Variants in TMIE observed in about 807,000 individuals in gnomAD.
TMIE encodes the protein transmembrane inner ear expressed protein.
In TMIE, 14 loss-of-function variants were observed where a neutral mutation model predicts 16.8. The ratio of observed to expected loss-of-function variants is 0.83; its 90% CI spans 0.55 to 1.30. The LOEUF (loss-of-function observed/expected upper bound fraction) is 1.30, where lower values mean the gene tolerates loss of function less well. Ranked by LOEUF, TMIE falls within the 50% of genes most tolerant of loss-of-function variation. TMIE has a pLI of 0.00. For synonymous variants in TMIE, 75 were observed against 87.2 expected, an observed-to-expected ratio of 0.86 and a Z score of 0.78; for missense variants, 204 against 205.9, an observed-to-expected ratio of 0.99 and a Z score of 0.06.
At chr3:46,700,791 AG>A (rs1355737368), upstream of TMIE, among the ~76,000 whole-genome samples, 1 of 152,170 alleles carries the variant, frequency 6.6e-6, no homozygotes, top group East Asian at 1.9e-4. Flanking sequence ...GAGGGCAGCC[AG>A]GGTCAGAAAA....
intron 1 of TMIE, among the ~76,000 whole-genome samples, chr3:46,695,348 G>C (rs1700387568): frequency 6.6e-6 from 1 of 152,234 alleles, no homozygotes; most frequent in Non-Finnish European, 1.5e-5. Flanking sequence ...CTTGCTGTGT[G>C]ATCACAGGCA....
At chr3:46,698,829 C>A (rs938216637), upstream of TMIE, among the ~76,000 whole-genome samples, 2 of 151,722 alleles carry the variant, frequency 1.3e-5, no homozygotes, top group Middle Eastern at 3.2e-3. Flanking sequence ...TTTTTCTTTT[C>A]TTTTCTTTTT....
chr3:46,708,048 C>A (rs1161831990), intron 2 of TMIE, among the ~76,000 whole-genome samples: 1 of 152,196 alleles, frequency 6.6e-6, no homozygotes, highest in Non-Finnish European at 1.5e-5. Context: ...CAAGTGTATG[C>A]CTGGATGCTA....
chr3:46,694,334 GGTGGCTGAAGACTTA>G (rs1700347184), upstream of TMIE, among the ~76,000 whole-genome samples: 1 of 152,214 alleles, frequency 6.6e-6, no homozygotes, highest in Non-Finnish European at 1.5e-5. Context: ...CCTTGGAAAG[GGTGGCTGAAGACTTA>G]TCTGGGACAG....
In TMIE at chr3:46,710,037, A is replaced by G; in HGVS notation, c.*349A>G. On this transcript the variant is annotated 3_prime_UTR_variant, in exon 4 of 4. Transcript: ENST00000643606. ...GGATGGCAGTGGCTGTGAAGGAGTAATGGGATATGGGGTTACTTCAGCCAC... is the reference window on the plus strand; with the variant it reads ...GGATGGCAGTGGCTGTGAAGGAGTAGTGGGATATGGGGTTACTTCAGCCAC... 1 of 387,650 alleles carries G rather than the reference A, an allele frequency of 2.6e-6. No individual in the cohort carries two copies. Among genetic ancestry groups the G allele is most frequent in the Non-Finnish European group, 4.9e-6 (1 of 202,228 alleles). 24.0% of individuals were successfully genotyped at this position (387,650 alleles called of 1,614,324 possible).
upstream of TMIE, among the ~76,000 whole-genome samples, chr3:46,696,435 A>G (rs1461086984): frequency 6.6e-6 from 1 of 152,206 alleles, no homozygotes; most frequent in African/African-American, 2.4e-5. Context: ...GGTCTGACAC[A>G]GGCCTGGCCC....
chr3:46,697,484 T>C (rs1056713201), upstream of TMIE, among the ~76,000 whole-genome samples: 1 of 151,930 alleles, frequency 6.6e-6, no homozygotes, highest in Non-Finnish European at 1.5e-5. Flanking sequence ...CAGGAGGGCA[T>C]GGAAGCTCCA....
Position 46,709,680 on chromosome 3 carries a change from G to A in TMIE, c.463G>A (p.Glu155Lys). The A allele has an allele frequency of 1.2e-6, 2 of 1,613,962 alleles. No individual in the cohort carries two copies. Among genetic ancestry groups the A allele is most frequent in the South Asian group, 1.1e-5 (1 of 91,064 alleles). The change falls in exon 4 of 4, where the codon GAG becomes AAG. Residue 155 changes from glutamate (E) to lysine (K), a missense_variant. Coordinates refer to ENST00000643606, the MANE Select transcript of TMIE (RefSeq NM_147196.3). ...GAATGAGGCCAAGAAGAAGAAAGGA[G>A]AGAAATGAAGACATCCTGGGCAGCT... ...EKNEAKKKKGEK is the reference protein window; with the variant it reads ...EKNEAKKKKGKK
At chr3:46,706,983 G>A (rs935444647) in intron 2 of TMIE, among the ~76,000 whole-genome samples, 1 of 152,240 alleles carries the variant, frequency 6.6e-6, no homozygotes, top group Non-Finnish European at 1.5e-5. Context: ...ATTTGCACGT[G>A]CTTCTCCTGG....
Position 46,705,721 on chromosome 3 carries a change from G to C in TMIE, c.94-69G>C, listed in dbSNP as rs932476405. On this transcript the variant is annotated intron_variant, in intron 1 of 3. Coordinates refer to ENST00000643606, the MANE Select transcript of TMIE (RefSeq NM_147196.3). ...TTGGGCTGAGTGTTTGCTGAGACCT[G>C]GGCCCTTCTCAGCTGGTTCCAGCCA... 2.1e-5 allele frequency: 28 copies of C among 1,348,606 alleles called. No individual in the cohort carries two copies. The African/African-American group carries it at 3.9e-4, about 19-fold the overall frequency. 83.5% of individuals were successfully genotyped at this position (1,348,606 alleles called of 1,614,324 possible). A position where few individuals can be genotyped will look rare whatever the true frequency, so the allele number is the denominator to read the frequency against.
At position 46,710,246 on chromosome 3, in the gene TMIE, G is replaced by A. The variant is rs1700604684; in HGVS notation, c.*558G>A. On this transcript the variant is annotated 3_prime_UTR_variant, in exon 4 of 4. Coordinates refer to ENST00000643606, the MANE Select transcript of TMIE (RefSeq NM_147196.3). The stretch of plus-strand genomic sequence containing the variant: ...AGCCTGGCAGGGGATCCAGCTCAAG[G>A]GAGTAAGTAGAGGTGGCTTCAGAAA... The A allele has an allele frequency of 1.0e-5, 2 of 195,778 alleles. No homozygotes were observed. The highest frequency in any genetic ancestry group is 1.1e-4 in the Admixed American group (2 of 18,928). The allele number at this position is 195,778 out of a possible 1,614,324, so 12.1% of individuals were successfully genotyped here.
chr3:46,706,941 T>A (rs1700559400), intron 2 of TMIE, among the ~76,000 whole-genome samples: 1 of 152,160 alleles, frequency 6.6e-6, no homozygotes, highest in Non-Finnish European at 1.5e-5. Context: ...CCCACCCAGA[T>A]GTGAGGGGCT....
upstream of TMIE, among the ~76,000 whole-genome samples, chr3:46,697,547 A>G (rs1700421948): frequency 2.6e-5 from 4 of 152,102 alleles, no homozygotes; most frequent in South Asian, 8.3e-4. Flanking sequence ...TATCCTTCGT[A>G]ATACCCTTTA....
chr3:46,704,961 G>A (rs1228887845), intron 1 of TMIE, among the ~76,000 whole-genome samples: 1 of 152,182 alleles, frequency 6.6e-6, no homozygotes, highest in Non-Finnish European at 1.5e-5. Flanking sequence ...TAGACACCCA[G>A]GAGAAGGGCT....
chr3:46,701,663 G>A lies in TMIE; in HGVS notation c.93+83G>A. On this transcript the variant is annotated intron_variant, in intron 1 of 3. Transcript: ENST00000643606. The surrounding 1 kb of genome is among the most constrained non-coding windows in gnomAD (Gnocchi z 4.3). Reference sequence around the variant, plus strand: ...GGGAGAGGGGACGCCTTTTTGATCCGGAGCTTGTTTGATCCCTTACTCTTG... The same window carrying A: ...GGGAGAGGGGACGCCTTTTTGATCCAGAGCTTGTTTGATCCCTTACTCTTG... 2 of 1,118,086 alleles carry A rather than the reference G, an allele frequency of 1.8e-6. No homozygotes were observed. Among genetic ancestry groups the A allele is most frequent in the Non-Finnish European group, 2.3e-6 (2 of 874,504 alleles). The allele number at this position is 1,118,086 out of a possible 1,614,324, so 69.3% of individuals were successfully genotyped here.
At chr3:46,698,077 A>T (rs1356654822), upstream of TMIE, among the ~76,000 whole-genome samples, 2 of 151,868 alleles carry the variant, frequency 1.3e-5, no homozygotes, top group Non-Finnish European at 2.9e-5. Flanking sequence ...TTTTTTTGAG[A>T]TGGAGTCTTG....
At chr3:46,695,091 G>A (rs947580350) in intron 1 of TMIE, among the ~76,000 whole-genome samples, 1 of 151,928 alleles carries the variant, frequency 6.6e-6, no homozygotes, top group Non-Finnish European at 1.5e-5. Flanking sequence ...CCCAGGCTCC[G>A]GACCTTGGCC....
At chr3:46,696,277 G>A (rs1010259389) in intron 1 of TMIE, among the ~76,000 whole-genome samples, 3 of 152,176 alleles carry the variant, frequency 2.0e-5, no homozygotes, top group African/African-American at 7.2e-5. Context: ...CACTACTCCA[G>A]GGAACACACA....
At chr3:46,699,129 A>G (rs1250799501), upstream of TMIE, among the ~76,000 whole-genome samples, 2 of 132,928 alleles carry the variant, frequency 1.5e-5, no homozygotes, top group Non-Finnish European at 3.1e-5. Context: ...CTGGAGTGCA[A>G]TGGCACGATC....
Sources: allele counts gnomAD v4.1 joint callset (sites outside exome capture counted in the v4.1 genomes callset), GRCh38; gene constraint gnomAD v4.1.1; non-coding constraint Gnocchi (gnomAD v3.1); transcripts MANE v1.5; gene names NCBI Gene and HGNC (gene_info 2026-07-23, HGNC 2026-07-21).